The following SF3B3 variants were observed in gnomAD, a reference collection of about 807,000 sequenced individuals.
The protein encoded by SF3B3 is SAP 130.
SF3B3 carries 33 observed loss-of-function variants against 139.2 expected under a neutral mutation model. The observed-to-expected ratio is 0.24, with a 90% CI of 0.18 to 0.32. The LOEUF (loss-of-function observed/expected upper bound fraction) is 0.32. SF3B3 is among the 10% of genes least tolerant of loss of function. SF3B3 has a pLI of 1.00. For missense variants in SF3B3, 818 were observed against 1,509.4 expected (o/e 0.54, Z 7.59); for synonymous variants, 596 against 563.6 (o/e 1.06, Z -0.81).
chr16:70,538,640 A>G (rs752984591), intron 7 of SF3B3, among the ~76,000 whole-genome samples, 180 bp downstream of exon 7: 3 of 152,250 alleles, frequency 2.0e-5, no homozygotes, highest in Admixed American at 6.5e-5. Context: ...TACATACAAT[A>G]TAAGAGCGGC....
Position 70,565,200 on chromosome 16 carries a change from C to T in SF3B3, c.2599C>T (p.Arg867Ter). The change falls in exon 19 of 26, where the codon CGA becomes TGA. Residue 867 changes from arginine (R) to a stop codon, truncating the protein, a stop_gained. Coordinates refer to ENST00000302516, the MANE Select transcript of SF3B3 (RefSeq NM_012426.5). LOFTEE classifies it high-confidence loss of function. Reference protein sequence around the residue: ...AGNGQWASVIRVMNPIQGNTL... With the variant: ...AGNGQWASVI ...CAATGGGCAGTGGGCCTCTGTGATC[C>T]GAGTGATGAATCCCATTCAAGGGAA... The T allele has an allele frequency of 1.2e-6, 2 of 1,614,172 alleles. No individual in the cohort carries two copies. The highest frequency in any genetic ancestry group is 1.7e-6 in the Non-Finnish European group (2 of 1,180,032).
intron 20 of SF3B3, 172 bp downstream of exon 20, chr16:70,565,696 T>G: frequency 1.6e-6 from 1 of 617,020 alleles, no homozygotes; most frequent in Non-Finnish European, 2.8e-6. Flanking sequence ...CTTGTGCCTG[T>G]GCATTCCACA....
rs1484382959 is a variant in SF3B3 at position 70,528,233 on chromosome 16, C to T, written c.71-640C>T. On this transcript the variant is annotated intron_variant, in intron 2 of 25. Coordinates refer to ENST00000302516, the MANE Select transcript of SF3B3 (RefSeq NM_012426.5). ...AGGCTGGAGTACAGTAGTGCGACCT[C>T]GGCTCACTGCAAACTCCGTCTCCCA... Among the ~76,000 whole-genome samples the T allele has an allele frequency of 2.9e-5, 4 of 139,848 alleles. No homozygotes were observed. The East Asian group carries it at 6.7e-4, about 23-fold the overall frequency. The allele number at this position is 139,848 out of a possible 152,430, so 91.7% of individuals were successfully genotyped here. A position where few individuals can be genotyped will look rare whatever the true frequency, so the allele number is the denominator to read the frequency against.
intron 20 of SF3B3, among the ~76,000 whole-genome samples, chr16:70,566,823 CA>C (rs2050481572): frequency 6.6e-6 from 1 of 152,062 alleles, no homozygotes; most frequent in East Asian, 1.9e-4. Context: ...CTGAGTCGAG[CA>C]GGTCACTTGA....
In SF3B3 at chr16:70,568,264, T is replaced by C. The variant is rs933079234; in HGVS notation, c.2953-19T>C. The stretch of plus-strand genomic sequence containing the variant: ...CCCAAGATTACACCCACCATCACTA[T>C]TGTCTTTGTTTTTCCCAGCATATTG... On this transcript the variant is annotated intron_variant, in intron 21 of 25. Transcript: ENST00000302516. The C allele has an allele frequency of 2.5e-6, 4 of 1,577,852 alleles. No individual in the cohort carries two copies. The highest frequency in any genetic ancestry group is 3.5e-6 in the Non-Finnish European group (4 of 1,147,290).
intron 1 of SF3B3, 77 bp downstream of exon 1, chr16:70,524,005 T>C (rs894017389): frequency 3.4e-5 from 14 of 417,686 alleles, no homozygotes; most frequent in African/African-American, 2.1e-4. Flanking sequence ...CCCGAGACTT[T>C]GGCGGGGGTC....
chr16:70,571,097 C>T lies in SF3B3; in HGVS notation c.3411C>T (p.Asp1137=), dbSNP rs1185860625. Reference sequence around the variant, plus strand: ...AGATTTTTTGTTTCTTCTGCCAGGACCATGACTTCTTCCAGCATGTGGAAA... The same window carrying T: ...AGATTTTTTGTTTCTTCTGCCAGGATCATGACTTCTTCCAGCATGTGGAAA... ...GILVPFTSHE[D]HDFFQHVEMH... Residue 1137 remains aspartate, a splice_region_variant and synonymous_variant, in exon 25 of 26, where the codon GAC becomes GAT. Transcript: ENST00000302516. The T allele has an allele frequency of 6.2e-7, 1 of 1,613,054 alleles. No homozygotes were observed. Among genetic ancestry groups the T allele is most frequent in the Admixed American group, 1.7e-5 (1 of 60,010 alleles).
intron 22 of SF3B3, 89 bp downstream of exon 22, chr16:70,568,584 T>G (rs767467404): frequency 1.2e-4 from 121 of 1,026,472 alleles, no homozygotes; most frequent in Non-Finnish European, 1.7e-4. Flanking sequence ...GAATCAAATC[T>G]GAGAAGTAAA....
intron 15 of SF3B3, among the ~76,000 whole-genome samples, chr16:70,557,432 G>A (rs2151790037): frequency 6.6e-6 from 1 of 152,334 alleles, no homozygotes; most frequent in South Asian, 2.1e-4. Context: ...TTTGTGCCGT[G>A]AAGAAAAGGT....
At chr16:70,560,253 A>G (rs1200280603) in intron 15 of SF3B3, 1 of 354,990 alleles carries the variant, frequency 2.8e-6, no homozygotes, top group Non-Finnish European at 5.1e-6. Context: ...ATAAGTGTGT[A>G]TTTACTTAGT....
At chr16:70,567,321 C>A in intron 20 of SF3B3, 90 bp from the exon 21 acceptor site, 2 of 1,388,126 alleles carry the variant, frequency 1.4e-6, no homozygotes, top group Non-Finnish European at 9.8e-7. Context: ...ATGATAGGCT[C>A]CTGTGGAAGT....
chr16:70,572,710 C>T lies in SF3B3; in HGVS notation c.*897C>T, dbSNP rs2151796868. The T allele has an allele frequency of 6.6e-6, 1 of 152,544 alleles. No homozygotes were observed. Among genetic ancestry groups the T allele is most frequent in the African/African-American group, 2.4e-5 (1 of 41,550 alleles). The allele number at this position is 152,544 out of a possible 1,614,324, so 9.4% of individuals were successfully genotyped here. On this transcript the variant is annotated 3_prime_UTR_variant, in exon 26 of 26. Coordinates refer to ENST00000302516, the MANE Select transcript of SF3B3 (RefSeq NM_012426.5). ...CATAGGAAGGGTCAGTACAGAAGAACCTAGATACTGCCCTGCCCCTGAGAA... is the reference window on the plus strand; with the variant it reads ...CATAGGAAGGGTCAGTACAGAAGAATCTAGATACTGCCCTGCCCCTGAGAA...
intron 10 of SF3B3, among the ~76,000 whole-genome samples, chr16:70,548,155 A>G (rs1567417052): frequency 1.3e-5 from 2 of 152,218 alleles, no homozygotes; most frequent in African/African-American, 4.8e-5. Context: ...ACCCTCTCAG[A>G]CATCCTGTAA....
Position 70,541,783 on chromosome 16 carries a change from C to T in SF3B3, c.1182C>T (p.Asn394=). 6.2e-7 allele frequency: 1 copy of T among 1,614,128 alleles called. No individual in the cohort carries two copies. The highest frequency in any genetic ancestry group is 1.1e-5 in the South Asian group (1 of 91,080). The change falls in exon 9 of 26, where the codon AAC becomes AAT. Residue 394 remains asparagine, a synonymous_variant. Transcript: ENST00000302516. Reference sequence around the variant, plus strand: ...TTTTTCAGCCAAGACCACTTAAAAACCTTGTGCTGGTTGATGAGTTGGACA... The same window carrying T: ...TTTTTCAGCCAAGACCACTTAAAAATCTTGTGCTGGTTGATGAGTTGGACA... ...TFFFQPRPLK[N]LVLVDELDSL...
At chr16:70,558,272 G>GT (rs11311769) in intron 15 of SF3B3, among the ~76,000 whole-genome samples, 4,784 of 146,950 alleles carry the variant, frequency 0.033, 279 homozygotes, top group African/African-American at 0.11. Context: ...TAATTTTAAT[G>GT]TTTTTTTTTT....
chr16:70,569,065 A>C lies in SF3B3; in HGVS notation c.3188A>C (p.Asn1063Thr). The C allele has an allele frequency of 1.2e-6, 2 of 1,611,208 alleles. No homozygotes were observed. Among genetic ancestry groups the C allele is most frequent in the Non-Finnish European group, 1.7e-6 (2 of 1,178,996 alleles). Residue 1063 changes from asparagine to threonine, a missense_variant, in exon 23 of 26, where the codon AAT becomes ACT. Asn to Thr is a moderately conservative substitution (Grantham distance 65). Coordinates refer to ENST00000302516, the MANE Select transcript of SF3B3 (RefSeq NM_012426.5). ...TAGGTGAGGCTCCCACCTAACACCA[A>C]TGATGAAGTAGATGAGGATCCTACA... ...ICVVRLPPNT[N>T]DEVDEDPTGN...
rs1182687031 is a variant in SF3B3, at chr16:70,571,863, C to T, written c.*50C>T. 4 of 1,563,814 alleles carry T rather than the reference C, an allele frequency of 2.6e-6. No homozygotes were observed. The highest frequency in any genetic ancestry group is 2.3e-5 in the East Asian group (1 of 44,382). On this transcript the variant is annotated 3_prime_UTR_variant, in exon 26 of 26. Coordinates refer to ENST00000302516, the MANE Select transcript of SF3B3 (RefSeq NM_012426.5). ...CCAGAGACTGTGTGTTTTGTTTCCC[C>T]CACCACCATCACTGCCACCTGGCTT...
At chr16:70,542,397 A>C (rs910643621) in intron 9 of SF3B3, among the ~76,000 whole-genome samples, 1 of 152,216 alleles carries the variant, frequency 6.6e-6, no homozygotes, top group Admixed American at 6.5e-5. Flanking sequence ...GTTTTGAATC[A>C]CATTCTCAAG....
chr16:70,554,658 A>T (rs2050362618), intron 12 of SF3B3, 61 bp downstream of exon 12: 3 of 1,555,938 alleles, frequency 1.9e-6, no homozygotes, highest in Non-Finnish European at 2.7e-6. Flanking sequence ...CTTCATTGTG[A>T]TGCAGGCTGC....
Sources: allele counts gnomAD v4.1 joint callset (sites outside exome capture counted in the v4.1 genomes callset), GRCh38; gene constraint gnomAD v4.1.1; transcripts MANE v1.5; gene names NCBI Gene and HGNC (gene_info 2026-07-23, HGNC 2026-07-21).